Variants in PIEZO2 observed in about 807,000 individuals in gnomAD.
PIEZO2 encodes piezo-type mechanosensitive ion channel component 2.
A neutral mutation model predicts 337.3 loss-of-function variants in PIEZO2; 172 were observed. That is an observed-to-expected ratio of 0.51 (90% CI 0.45 to 0.58). The LOEUF (loss-of-function observed/expected upper bound fraction) is 0.58, where lower values mean the gene tolerates loss of function less well. Ranked by LOEUF, PIEZO2 falls within the 20% of genes least tolerant of loss-of-function variation. PIEZO2 has a pLI of 0.00. For missense variants in PIEZO2, 3,028 were observed against 3,391.3 expected (o/e 0.89, Z 2.66); for synonymous variants, 1,251 against 1,228.5 (o/e 1.02, Z -0.38).
rs2035883599 is a variant in PIEZO2 at position 11,011,106 on chromosome 18, C to T, written c.161-31446G>A. 2.0e-5 allele frequency among the ~76,000 whole-genome samples: 3 copies of T among 152,344 alleles called. No homozygotes were observed. The South Asian group carries it at 6.2e-4, about 32-fold the overall frequency. On this transcript the variant is annotated intron_variant, in intron 2 of 55. Transcript: ENST00000674853. The stretch of plus-strand genomic sequence containing the variant: ...TTACAATCCAATCCTTCAGTCATAA[C>T]ACACAAATAGCCTCCTAAAGACTGC...
At chr18:10,780,628 A>G (rs565181951) in intron 17 of PIEZO2, among the ~76,000 whole-genome samples, 1 of 149,740 alleles carries the variant, frequency 6.7e-6, no homozygotes, top group African/African-American at 2.5e-5. Context: ...CATCTCACAC[A>G]CTTTATTACA....
rs138401255 is a variant in PIEZO2 at position 10,759,400 on chromosome 18, G to A, written c.3757+82C>T. The A allele has an allele frequency of 9.1e-5, 106 of 1,168,218 alleles. No homozygotes were observed. The highest frequency in any genetic ancestry group is 5.5e-4 in the Middle Eastern group (2 of 3,630). The allele number at this position is 1,168,218 out of a possible 1,614,324, so 72.4% of individuals were successfully genotyped here. On this transcript the variant is annotated intron_variant, in intron 26 of 55. Coordinates refer to ENST00000674853, the MANE Select transcript of PIEZO2 (RefSeq NM_001378183.1). The surrounding 1 kb of genome is among the most constrained non-coding windows in gnomAD (Gnocchi z 5.5). ...TACGAAGTCTAGTGGAAGACAAAAG[G>A]CACTAATGCATAGCACGTGAACAAT...
chr18:10,977,982 G>A (rs945704101), intron 3 of PIEZO2, among the ~76,000 whole-genome samples: 1 of 152,082 alleles, frequency 6.6e-6, no homozygotes, highest in Non-Finnish European at 1.5e-5. Flanking sequence ...TAGTGCTTTG[G>A]AATTAGACAG....
chr18:10,749,485 TA>T, intron 29 of PIEZO2, among the ~76,000 whole-genome samples: 1 of 128,860 alleles, frequency 7.8e-6, no homozygotes, highest in South Asian at 2.3e-4. Context: ...AATAGATAAA[TA>T]AATAATAATA....
chr18:10,996,825 TTATA>T (rs1204185294), intron 2 of PIEZO2, among the ~76,000 whole-genome samples: 1 of 152,152 alleles, frequency 6.6e-6, no homozygotes, highest in African/African-American at 2.4e-5. Context: ...TGTACATACT[TTATA>T]TATCCAGTTG....
chr18:11,007,961 C>T (rs2035779114), intron 2 of PIEZO2, among the ~76,000 whole-genome samples: 1 of 152,162 alleles, frequency 6.6e-6, no homozygotes, highest in African/African-American at 2.4e-5. Flanking sequence ...AAATATAAAA[C>T]ATGCGCCCCA....
chr18:10,980,059 A>G lies in PIEZO2; in HGVS notation c.161-399T>C, dbSNP rs1051968366. Reference sequence around the variant, plus strand: ...AAAAGTTATCTAAAACATTTTATGAAGTCACAATAACTTTAATTTCAAAAT... The same window carrying G: ...AAAAGTTATCTAAAACATTTTATGAGGTCACAATAACTTTAATTTCAAAAT... On this transcript the variant is annotated intron_variant, in intron 2 of 55. Coordinates refer to ENST00000674853, the MANE Select transcript of PIEZO2 (RefSeq NM_001378183.1). The surrounding 1 kb of genome is among the most constrained non-coding windows in gnomAD (Gnocchi z 4.8). 5.3e-5 allele frequency among the ~76,000 whole-genome samples: 8 copies of G among 152,320 alleles called. No individual in the cohort carries two copies. The highest frequency in any genetic ancestry group is 1.9e-4 in the African/African-American group (8 of 41,576).
intron 24 of PIEZO2, among the ~76,000 whole-genome samples, chr18:10,760,282 C>A (rs1049871556): frequency 8.5e-5 from 13 of 152,088 alleles, no homozygotes; most frequent in Non-Finnish European, 5.9e-5. Flanking sequence ...TCAGAATGCA[C>A]AAAAAGAAAG....
chr18:10,970,205 A>T (rs1235594557), intron 3 of PIEZO2, among the ~76,000 whole-genome samples: 1 of 152,192 alleles, frequency 6.6e-6, no homozygotes, highest in African/African-American at 2.4e-5. Context: ...TGAAGAATGG[A>T]CCTGGCAGAG....
rs761246890 is a variant in PIEZO2 at position 10,775,457 on chromosome 18, C to A, written c.2535-1419G>T. Among the ~76,000 whole-genome samples the A allele has an allele frequency of 6.6e-6, 1 of 152,086 alleles. No individual in the cohort carries two copies. Among genetic ancestry groups the A allele is most frequent in the Non-Finnish European group, 1.5e-5 (1 of 68,026 alleles). On this transcript the variant is annotated intron_variant, in intron 18 of 55. Transcript: ENST00000674853. This position sits in a 1 kb window ranked among gnomAD's most constrained non-coding sequence, Gnocchi z 4.3. ...GATACCTTTATTAAGACAAGGAATTCGGTGGTTGCAGTGTGAGGTGGGACC... is the reference window on the plus strand; with the variant it reads ...GATACCTTTATTAAGACAAGGAATTAGGTGGTTGCAGTGTGAGGTGGGACC...
At position 10,706,956 on chromosome 18, in the gene PIEZO2, T is replaced by A. The variant is rs936747209; in HGVS notation, c.5589-1210A>T. 2.6e-5 allele frequency among the ~76,000 whole-genome samples: 4 copies of A among 152,218 alleles called. No individual in the cohort carries two copies. The South Asian group carries it at 8.3e-4, about 32-fold the overall frequency. On this transcript the variant is annotated intron_variant, in intron 40 of 55. Coordinates refer to ENST00000674853, the MANE Select transcript of PIEZO2 (RefSeq NM_001378183.1). ...CTTGTCACAGATACCAGTATAGACA[T>A]ATGGATGAATGAATGAATGAATGAA... is the stretch of plus-strand genomic sequence containing the variant.
intron 37 of PIEZO2, among the ~76,000 whole-genome samples, chr18:10,717,083 C>T (rs745449652): frequency 6.6e-6 from 1 of 152,190 alleles, no homozygotes; most frequent in Non-Finnish European, 1.5e-5. Context: ...CAAATCCCAA[C>T]TCTACTCTTT....
chr18:10,689,864 C>G, intron 48 of PIEZO2, 62 bp from the exon 49 acceptor site: 1 of 1,544,338 alleles, frequency 6.5e-7, no homozygotes, highest in Non-Finnish European at 8.7e-7. Flanking sequence ...CCCTGCTCAC[C>G]CAGGAGCTCA....
intron 31 of PIEZO2, 25 bp downstream of exon 31, chr18:10,744,117 G>T: frequency 6.8e-7 from 1 of 1,479,074 alleles, no homozygotes; most frequent in Non-Finnish European, 9.1e-7. Context: ...GACGGAAGGA[G>T]GATGAGCATC....
intron 2 of PIEZO2, among the ~76,000 whole-genome samples, chr18:11,043,859 A>G (rs1020833405): frequency 5.3e-5 from 8 of 151,910 alleles, no homozygotes; most frequent in Non-Finnish European, 1.0e-4. Flanking sequence ...TTTAGTAGAG[A>G]CAGGGGGTTT....
At chr18:10,981,033 G>A (rs1366435401) in intron 2 of PIEZO2, among the ~76,000 whole-genome samples, 2 of 152,118 alleles carry the variant, frequency 1.3e-5, no homozygotes, top group Non-Finnish European at 2.9e-5. Flanking sequence ...TGCCCATGAT[G>A]TTCTCTTCCT....
chr18:10,868,848 A>G (rs1287780157), intron 5 of PIEZO2, among the ~76,000 whole-genome samples: 2 of 152,176 alleles, frequency 1.3e-5, no homozygotes, highest in African/African-American at 4.8e-5. Context: ...TTATTGATCA[A>G]TGTAGGCTTT....
intron 2 of PIEZO2, among the ~76,000 whole-genome samples, chr18:11,026,887 G>A (rs764892923): frequency 6.6e-6 from 1 of 152,218 alleles, no homozygotes; most frequent in African/African-American, 2.4e-5. Flanking sequence ...AGGGAAAAAA[G>A]AGGCAAGAGT....
intron 37 of PIEZO2, among the ~76,000 whole-genome samples, chr18:10,717,502 C>T (rs766667568): frequency 3.3e-5 from 5 of 152,278 alleles, no homozygotes; most frequent in Middle Eastern, 3.4e-3. Context: ...AAGAGATAAC[C>T]GCATAGGCGC....
Sources: gnomAD v4.1 joint callset for allele counts (sites outside exome capture counted in the v4.1 genomes callset) on GRCh38, gnomAD v4.1.1 for gene constraint, Gnocchi (gnomAD v3.1) non-coding constraint, MANE v1.5 for transcripts, NCBI Gene and HGNC (gene_info 2026-07-23, HGNC 2026-07-21) for gene names.